Variants in GRIN2D observed in about 807,000 individuals in gnomAD.
GRIN2D encodes the protein glutamate ionotropic receptor NMDA type subunit 2D.
A neutral mutation model predicts 103.2 loss-of-function variants in GRIN2D; 37 were observed. The ratio of observed to expected loss-of-function variants is 0.36; its 90% CI spans 0.28 to 0.47. The LOEUF (loss-of-function observed/expected upper bound fraction) is 0.47, where lower values mean the gene tolerates loss of function less well. Among genes scored for constraint, GRIN2D ranks in the 20% least tolerant of loss-of-function variants. GRIN2D has a pLI of 1.00. For synonymous variants in GRIN2D, 845 were observed against 885.6 expected (o/e 0.95, Z 0.81); for missense variants, 1,557 against 1,910.6 (o/e 0.81, Z 3.45).
At chr19:48,423,574 C>T (rs1437724064) in intron 11 of GRIN2D, among the ~76,000 whole-genome samples, 2 of 151,884 alleles carry the variant, frequency 1.3e-5, no homozygotes, top group South Asian at 2.1e-4. Flanking sequence ...GGTGGACTTC[C>T]GGAAGCAGAG....
At chr19:48,395,937 G>A (rs1378152379) in intron 2 of GRIN2D, among the ~76,000 whole-genome samples, 8 of 151,898 alleles carry the variant, frequency 5.3e-5, no homozygotes. Flanking sequence ...CTGGCCTCCT[G>A]GGTCCTGGGA....
chr19:48,396,092 G>A lies in GRIN2D; in HGVS notation c.-27+1156G>A, dbSNP rs556711475. On this transcript the variant is annotated intron_variant, in intron 2 of 13. Coordinates refer to ENST00000263269, the MANE Select transcript of GRIN2D (RefSeq NM_000836.4). ...TGGGAGCTCAGTCTCCTGAGTCCCT[G>A]ACAGGGCAGGAGATGAGTGTTGGGG... Among the ~76,000 whole-genome samples the A allele has an allele frequency of 2.0e-5, 3 of 152,124 alleles. No homozygotes were observed. The South Asian group carries it at 6.2e-4, about 32-fold the overall frequency.
At position 48,398,515 on chromosome 19, in the gene GRIN2D, C is replaced by G; in HGVS notation, c.123C>G (p.Pro41=). The G allele has an allele frequency of 9.8e-7, 1 of 1,015,980 alleles. No homozygotes were observed. The highest frequency in any genetic ancestry group is 4.5e-5 in the South Asian group (1 of 22,366). The allele number at this position is 1,015,980 out of a possible 1,614,324, so 62.9% of individuals were successfully genotyped here. ...EAPGPGGAGG[P]GGGLGGARPL... is the part of the protein sequence containing the mutation. ...CGGGGCCGGGCGGGGCCGGTGGGCC[C>G]GGCGGCGGCCTCGGCGGGGCGCGGC... Residue 41 remains proline, a synonymous_variant, in exon 3 of 14, where the codon CCC becomes CCG. Transcript: ENST00000263269.
intron 3 of GRIN2D, among the ~76,000 whole-genome samples, chr19:48,401,214 C>T (rs1247979483): frequency 6.6e-6 from 1 of 151,790 alleles, no homozygotes; most frequent in Non-Finnish European, 1.5e-5. Context: ...AGAGCTGATT[C>T]TGTGCCAGGG....
At position 48,398,523 on chromosome 19, in the gene GRIN2D, G is replaced by A. The variant is rs1970670171; in HGVS notation, c.131G>A (p.Gly44Asp). The A allele has an allele frequency of 9.7e-7, 1 of 1,035,356 alleles. No homozygotes were observed. Among genetic ancestry groups the A allele is most frequent in the Non-Finnish European group, 1.2e-6 (1 of 864,260 alleles). The allele number at this position is 1,035,356 out of a possible 1,614,324, so 64.1% of individuals were successfully genotyped here. A position where few individuals can be genotyped will look rare whatever the true frequency, so the allele number is the denominator to read the frequency against. The change falls in exon 3 of 14, where the codon GGC becomes GAC. Residue 44 changes from glycine (G) to aspartate (D), a missense_variant. Coordinates refer to ENST00000263269, the MANE Select transcript of GRIN2D (RefSeq NM_000836.4). Reference sequence around the variant, plus strand: ...GGCGGGGCCGGTGGGCCCGGCGGCGGCCTCGGCGGGGCGCGGCCGCTCAAC... The same window carrying A: ...GGCGGGGCCGGTGGGCCCGGCGGCGACCTCGGCGGGGCGCGGCCGCTCAAC... ...GPGGAGGPGG[G>D]LGGARPLNVA...
intron 11 of GRIN2D, among the ~76,000 whole-genome samples, chr19:48,425,706 T>C (rs968282437): frequency 1.3e-5 from 2 of 152,178 alleles, no homozygotes; most frequent in Admixed American, 6.6e-5. Context: ...CATACAAATG[T>C]CAGCCACATC....
chr19:48,402,642 G>A (rs576447489), intron 3 of GRIN2D, among the ~76,000 whole-genome samples: 14 of 149,226 alleles, frequency 9.4e-5, no homozygotes, highest in Admixed American at 7.4e-4. Flanking sequence ...GCGTGAACCC[G>A]GGAAGCGGAG....
At chr19:48,427,979 T>A (rs1600987717) in intron 11 of GRIN2D, among the ~76,000 whole-genome samples, 1 of 151,894 alleles carries the variant, frequency 6.6e-6, no homozygotes, top group South Asian at 2.1e-4. Context: ...TCCTTGGCTG[T>A]TGACTCTTGA....
At chr19:48,428,342 CCCCCCT>C (rs1293897361) in intron 11 of GRIN2D, among the ~76,000 whole-genome samples, 1 of 146,074 alleles carries the variant, frequency 6.8e-6, no homozygotes, top group Non-Finnish European at 1.5e-5. Flanking sequence ...CAGTCAAGCT[CCCCCCT>C]CCCCCTCCCC....
intron 3 of GRIN2D, among the ~76,000 whole-genome samples, chr19:48,400,472 C>A (rs1217397899): frequency 3.9e-5 from 6 of 152,218 alleles, no homozygotes; most frequent in African/African-American, 1.4e-4. Context: ...TAGGTAGATG[C>A]CCTGGGAGGC....
At chr19:48,420,821 C>A (rs974868178) in intron 10 of GRIN2D, among the ~76,000 whole-genome samples, 1 of 152,004 alleles carries the variant, frequency 6.6e-6, no homozygotes, top group Non-Finnish European at 1.5e-5. Flanking sequence ...GGTGACAGAG[C>A]GAGACTCTGC....
rs1318078791 is a variant in GRIN2D at position 48,394,577 on chromosome 19, G to A, written c.-305-81G>A. ...CGGCAGAGGGGGGCACCCCGGGTGG[G>A]CGGAGGGGGGATCCCCACGGGGTCG... On this transcript the variant is annotated intron_variant, in intron 1 of 13. Coordinates refer to ENST00000263269, the MANE Select transcript of GRIN2D (RefSeq NM_000836.4). This position sits in a 1 kb window ranked among gnomAD's most constrained non-coding sequence, Gnocchi z 5.1. Among the ~76,000 whole-genome samples the A allele has an allele frequency of 6.6e-6, 1 of 151,082 alleles. No homozygotes were observed. Among genetic ancestry groups the A allele is most frequent in the Admixed American group, 6.6e-5 (1 of 15,196 alleles).
At position 48,444,003 on chromosome 19, in the gene GRIN2D, G is replaced by A. The variant is rs1207766807; in HGVS notation, c.*66G>A. The A allele has an allele frequency of 9.2e-7, 1 of 1,088,458 alleles. No individual in the cohort carries two copies. Among genetic ancestry groups the A allele is most frequent in the Non-Finnish European group, 1.2e-6 (1 of 822,916 alleles). The allele number at this position is 1,088,458 out of a possible 1,614,324, so 67.4% of individuals were successfully genotyped here. A position where few individuals can be genotyped will look rare whatever the true frequency, so the allele number is the denominator to read the frequency against. On this transcript the variant is annotated 3_prime_UTR_variant, in exon 14 of 14. Coordinates refer to ENST00000263269, the MANE Select transcript of GRIN2D (RefSeq NM_000836.4). This position sits in a 1 kb window ranked among gnomAD's most constrained non-coding sequence, Gnocchi z 5.5. ...GCCACGGCCCGAGGGGGCGCCCGCA[G>A]TGGACAGGACCCGCGTGGGTTGGGA...
chr19:48,398,820 C>A lies in GRIN2D; in HGVS notation c.428C>A (p.Ala143Asp). The A allele has an allele frequency of 7.0e-7, 1 of 1,422,480 alleles. No homozygotes were observed. The allele number at this position is 1,422,480 out of a possible 1,614,324, so 88.1% of individuals were successfully genotyped here. Residue 143 changes from alanine to aspartate, a missense_variant, in exon 3 of 14, where the codon GCC becomes GAC. Physicochemically the swap from Ala to Asp is moderately radical, Grantham distance 126. Around this residue, in one of 7 missense-constraint regions of GRIN2D, gnomAD observed 490 missense variants for 601.1 expected, o/e 0.82. Transcript: ENST00000263269. ...GCGCAGACCTCGCTGCCCATCGTGG[C>A]CGTGCACGGCGGCGCCGCGCTCGTG... is the stretch of plus-strand genomic sequence containing the variant. ...LSAQTSLPIV[A>D]VHGGAALVLT...
chr19:48,395,769 G>A (rs772226316), intron 2 of GRIN2D, among the ~76,000 whole-genome samples: 1 of 152,218 alleles, frequency 6.6e-6, no homozygotes, highest in East Asian at 1.9e-4. Flanking sequence ...GGAAGGATAG[G>A]GTTTGAAACC....
chr19:48,438,027 A>G (rs947784987), intron 11 of GRIN2D, among the ~76,000 whole-genome samples: 4 of 151,874 alleles, frequency 2.6e-5, no homozygotes, highest in Admixed American at 6.6e-5. Context: ...GAGACATTCA[A>G]TTTGGGGGAT....
Position 48,415,048 on chromosome 19 carries a change from G to A in GRIN2D, c.1581+16G>A, listed in dbSNP as rs1970926913. ...GATCGGGGAGGTGAGGGGGCGGACG[G>A]GAGGCGGGGAATCTTCGGGGCGGAG... On this transcript the variant is annotated intron_variant, in intron 7 of 13. Transcript: ENST00000263269. The A allele has an allele frequency of 6.4e-7, 1 of 1,562,542 alleles. No homozygotes were observed. Among genetic ancestry groups the A allele is most frequent in the Non-Finnish European group, 8.7e-7 (1 of 1,149,722 alleles).
intron 3 of GRIN2D, among the ~76,000 whole-genome samples, chr19:48,404,521 A>G (rs1389502584): frequency 6.6e-6 from 1 of 152,134 alleles, no homozygotes; most frequent in Non-Finnish European, 1.5e-5. Context: ...AAAACAAAAC[A>G]AAAAACTAAG....
Position 48,419,438 on chromosome 19 carries a change from T to G in GRIN2D, c.1861+79T>G, listed in dbSNP as rs74192709. On this transcript the variant is annotated intron_variant, in intron 9 of 13. Transcript: ENST00000263269. ...GAGAACTACATTTCCCAGCAGCCCC[T>G]GGAGGGGGGGCGGTCAAGCTAGGGC... The G allele has an allele frequency of 0.01, 15,453 of 1,518,728 alleles. 1,036 individuals carry two copies. The East Asian group carries it at 0.18, about 18-fold the overall frequency. 94.1% of individuals were successfully genotyped at this position (1,518,728 alleles called of 1,614,324 possible).
Sources: allele counts gnomAD v4.1 joint callset (sites outside exome capture counted in the v4.1 genomes callset), GRCh38; gene constraint gnomAD v4.1.1; regional missense constraint gnomAD v4.1.1; non-coding constraint Gnocchi (gnomAD v3.1); transcripts MANE v1.5; gene names NCBI Gene and HGNC (gene_info 2026-07-23, HGNC 2026-07-21).